Variants in TPM4 observed in about 807,000 individuals in gnomAD.
The protein encoded by TPM4 is tropomyosin 4, also known as tropomyosin alpha-4 chain.
Under a neutral mutation model 35.8 loss-of-function variants are expected in TPM4, and 17 were observed. That is an observed-to-expected ratio of 0.47 (90% CI 0.32 to 0.71). The LOEUF is 0.71. Ranked by LOEUF, TPM4 falls within the 30% of genes least tolerant of loss-of-function variation. TPM4 has a pLI of 0.03. For missense variants in TPM4, 240 were observed against 320.9 expected, an observed-to-expected ratio of 0.75 and a Z score of 1.93; for synonymous variants, 120 against 122.9, an observed-to-expected ratio of 0.98 and a Z score of 0.15.
intron 5 of TPM4, among the ~76,000 whole-genome samples, chr19:16,092,339 T>C (rs974064934): frequency 1.3e-5 from 2 of 151,912 alleles, no homozygotes; most frequent in Non-Finnish European, 2.9e-5. Context: ...TGGTGGAGAA[T>C]GGGGTTGGAA....
intron 7 of TPM4, among the ~76,000 whole-genome samples, chr19:16,097,771 G>C (rs1319435470): frequency 2.6e-5 from 4 of 151,946 alleles, no homozygotes; most frequent in Admixed American, 6.6e-5. Context: ...ACTAGATCCT[G>C]AATTTTCGGT....
chr19:16,088,694 G>A, intron 4 of TPM4: 1 of 1,064,364 alleles, frequency 9.4e-7, no homozygotes, highest in African/African-American at 1.7e-5. Context: ...ATTGCTCTCT[G>A]CCCGCCTTCT....
Position 16,086,526 on chromosome 19 carries a change from C to G in TPM4, c.370C>G (p.Arg124Gly), listed in dbSNP as rs768924606. The G allele has an allele frequency of 6.2e-7, 1 of 1,612,838 alleles. No individual in the cohort carries two copies. Among genetic ancestry groups the G allele is most frequent in the African/African-American group, 1.3e-5 (1 of 74,826 alleles). ...EAKHIAEEADRKYEEVARKLV... is the reference protein window; with the variant it reads ...EAKHIAEEADGKYEEVARKLV... ...CAAGCACATTGCGGAAGAGGCTGAC[C>G]GCAAATACGAGGAGGTGAGTGGGGC... is the stretch of plus-strand genomic sequence containing the variant. Residue 124 changes from arginine to glycine, a missense_variant, in exon 3 of 8, where the codon CGC becomes GGC. Physicochemically the swap from Arg to Gly is moderately radical, Grantham distance 125 (BLOSUM62 -2). Coordinates refer to ENST00000643579, the MANE Select transcript of TPM4 (RefSeq NM_003290.3).
chr19:16,088,562 A>T, intron 4 of TPM4: 2 of 1,037,014 alleles, frequency 1.9e-6, no homozygotes, highest in South Asian at 7.0e-5. Context: ...AAAACAAAAC[A>T]CCTGTCCTCT....
chr19:16,093,898 G>T (rs1050164003), intron 7 of TPM4, 145 bp downstream of exon 7: 2 of 757,022 alleles, frequency 2.6e-6, no homozygotes, highest in Non-Finnish European at 4.4e-6. Flanking sequence ...GTCATATCTG[G>T]ATGTCCTGGA....
At chr19:16,085,678 C>T (rs2090542155) in intron 2 of TPM4, among the ~76,000 whole-genome samples, 1 of 152,216 alleles carries the variant, frequency 6.6e-6, no homozygotes, top group African/African-American at 2.4e-5. Flanking sequence ...TACCCTCTCT[C>T]TATGCCTTAG....
At chr19:16,091,026 A>G (rs1025992316) in intron 5 of TPM4, among the ~76,000 whole-genome samples, 8 of 151,864 alleles carry the variant, frequency 5.3e-5, no homozygotes, top group Non-Finnish European at 1.0e-4. Flanking sequence ...AGGGGGATAG[A>G]TGTAACACCA....
At chr19:16,080,390 C>T (rs781490494) in intron 1 of TPM4, 2 of 204,762 alleles carry the variant, frequency 9.8e-6, no homozygotes, top group African/African-American at 2.3e-5. Flanking sequence ...CACATCCCAC[C>T]TGCTGGGCAT....
At chr19:16,069,053 G>A (rs892587065) in intron 2 of TPM4, among the ~76,000 whole-genome samples, 1 of 152,158 alleles carries the variant, frequency 6.6e-6, no homozygotes, top group Non-Finnish European at 1.5e-5. Context: ...TTGAGCAAAC[G>A]CTGGTATGAC....
At chr19:16,094,997 A>G (rs923147204) in intron 7 of TPM4, among the ~76,000 whole-genome samples, 1 of 152,122 alleles carries the variant, frequency 6.6e-6, no homozygotes, top group Non-Finnish European at 1.5e-5. Flanking sequence ...AGTGGGGGGA[A>G]GCTCTGTCAC....
chr19:16,076,328 C>G, upstream of TPM4: 1 of 1,496,110 alleles, frequency 6.7e-7, no homozygotes, highest in Non-Finnish European at 8.9e-7. Context: ...GGGGCACTTT[C>G]CAGCAGCTGT....
At chr19:16,072,888 C>T (rs1483681482), upstream of TPM4, among the ~76,000 whole-genome samples, 1 of 152,214 alleles carries the variant, frequency 6.6e-6, no homozygotes, top group African/African-American at 2.4e-5. Context: ...GCCTAGGCAA[C>T]AGAGCAAGAC....
chr19:16,086,612 C>A, intron 3 of TPM4, 72 bp downstream of exon 3: 1 of 1,280,020 alleles, frequency 7.8e-7, no homozygotes, highest in Non-Finnish European at 1.1e-6. Context: ...AGGGAGGACA[C>A]CGGGGCCAAC....
chr19:16,074,483 G>C (rs1029680231), upstream of TPM4: 1 of 152,150 alleles, frequency 6.6e-6, no homozygotes, highest in Non-Finnish European at 1.5e-5. Flanking sequence ...ATCCCATCAT[G>C]GTGGGTCAAC....
At chr19:16,094,047 C>G (rs1367451338) in intron 7 of TPM4, among the ~76,000 whole-genome samples, 1 of 150,092 alleles carries the variant, frequency 6.7e-6, no homozygotes, top group Non-Finnish European at 1.5e-5. Flanking sequence ...TCACTGCAAC[C>G]TGCGCCTCCC....
At chr19:16,091,604 G>A (rs929720951) in intron 5 of TPM4, among the ~76,000 whole-genome samples, 5 of 152,046 alleles carry the variant, frequency 3.3e-5, no homozygotes, top group Non-Finnish European at 5.9e-5. Context: ...GAGAGATCCC[G>A]TCTCTACCAA....
chr19:16,092,499 G>T (rs1052579044), intron 5 of TPM4, among the ~76,000 whole-genome samples: 1 of 150,498 alleles, frequency 6.6e-6, no homozygotes, highest in African/African-American at 2.4e-5. Context: ...TATTTCTTCT[G>T]CTGGGGAAAG....
chr19:16,076,013 C>CCA, upstream of TPM4: 1 of 1,590,206 alleles, frequency 6.3e-7, no homozygotes, highest in South Asian at 1.1e-5. Flanking sequence ...ACCCCCCCCC[C>CCA]AGGCTGACCC....
chr19:16,077,867 T>C (rs927630259), intron 1 of TPM4: 1 of 290,584 alleles, frequency 3.4e-6, no homozygotes, highest in Admixed American at 5.2e-5. Context: ...GTTCAAGAGA[T>C]TCTCCTGCTT....
Sources: gnomAD v4.1 joint callset for allele counts (sites outside exome capture counted in the v4.1 genomes callset) on GRCh38, gnomAD v4.1.1 for gene constraint, MANE v1.5 for transcripts, NCBI Gene and HGNC (gene_info 2026-07-23, HGNC 2026-07-21) for gene names.